Variants in SEL1L observed in about 807,000 individuals in gnomAD.
SEL1L encodes the protein protein sel-1 homolog 1.
Under a neutral mutation model 109.8 loss-of-function variants are expected in SEL1L, and 52 were observed. The ratio of observed to expected loss-of-function variants is 0.47; its 90% confidence interval spans 0.38 to 0.60. The LOEUF (loss-of-function observed/expected upper bound fraction) is 0.60. Ranked by LOEUF, SEL1L falls within the 20% of genes least tolerant of loss-of-function variation. SEL1L has a pLI of 0.00. For synonymous variants in SEL1L, 373 were observed against 339.6 expected (o/e 1.10, Z -1.08); for missense variants, 749 against 962.2 (o/e 0.78, Z 2.93).
At chr14:81,487,817 A>G (rs1185001209) in intron 15 of SEL1L, 38 bp downstream of exon 15, 1 of 1,608,932 alleles carries the variant, frequency 6.2e-7, no homozygotes, top group Admixed American at 1.7e-5. Flanking sequence ...CTTAATTTAG[A>G]TCTTGGTGTA....
chr14:81,514,767 A>G (rs1243565354), intron 3 of SEL1L, among the ~76,000 whole-genome samples: 3 of 152,156 alleles, frequency 2.0e-5, no homozygotes, highest in African/African-American at 7.2e-5. Flanking sequence ...CTTGAAATGC[A>G]TCCTAAGCCA....
At chr14:81,484,463 T>C in intron 18 of SEL1L, 66 bp from the exon 19 acceptor site, 3 of 1,428,424 alleles carry the variant, frequency 2.1e-6, no homozygotes, top group East Asian at 2.3e-5. Flanking sequence ...TCAAACTTTT[T>C]TCTCCTCCCA....
At chr14:81,516,578 G>A (rs775218708) in intron 3 of SEL1L, among the ~76,000 whole-genome samples, 6 of 152,092 alleles carry the variant, frequency 3.9e-5, no homozygotes, top group Admixed American at 6.5e-5. Flanking sequence ...AACAAATTCC[G>A]GACACGCCAC....
chr14:81,522,555 C>T lies in SEL1L; in HGVS notation c.340+4178G>A, dbSNP rs549087209. Among the ~76,000 whole-genome samples, 9 of 152,208 alleles carry T rather than the reference C, an allele frequency of 5.9e-5. No homozygotes were observed. In the South Asian group the frequency reaches 1.7e-3, roughly 28 times the overall value. Reference sequence around the variant, plus strand: ...GTAGCAATAGGCTATAACATATAGCCGAGGTATAGGCTACACTAGCTAGGT... The same window carrying T: ...GTAGCAATAGGCTATAACATATAGCTGAGGTATAGGCTACACTAGCTAGGT... On this transcript the variant is annotated intron_variant, in intron 3 of 20. Transcript: ENST00000336735.
At position 81,498,446 on chromosome 14, in the gene SEL1L, C is replaced by T. The variant is rs1222213766; in HGVS notation, c.940G>A (p.Ala314Thr). Residue 314 changes from alanine to threonine, a missense_variant, in exon 9 of 21, where the codon GCC becomes ACC. Physicochemically the swap from Ala to Thr is moderately conservative, Grantham distance 58 (BLOSUM62 0). This residue lies in a region of SEL1L where 366 missense variants were observed against 399.8 expected (regional missense o/e 0.92). Coordinates refer to ENST00000336735, the MANE Select transcript of SEL1L (RefSeq NM_005065.6). The stretch of plus-strand genomic sequence containing the variant: ...GCAACAAGACGATAGTGAGTCAGGG[C>T]AGATTCACAACTCTGGAGGACGCCG... ...GIGVLQSCES[A>T]LTHYRLVANH... 1.9e-6 allele frequency: 3 copies of T among 1,613,952 alleles called. No individual in the cohort carries two copies. The South Asian group carries it at 3.3e-5, about 18-fold the overall frequency.
At chr14:81,487,308 C>T in intron 16 of SEL1L, 82 bp downstream of exon 16, 5 of 1,371,458 alleles carry the variant, frequency 3.6e-6, no homozygotes, top group African/African-American at 1.5e-5. Flanking sequence ...AGAAAACATA[C>T]AAAAAAACCA....
At chr14:81,526,223 G>A (rs1365144545) in intron 3 of SEL1L, among the ~76,000 whole-genome samples, 3 of 152,118 alleles carry the variant, frequency 2.0e-5, no homozygotes, top group Non-Finnish European at 4.4e-5. Flanking sequence ...AAATTGAAAA[G>A]TAGAGGTTTC....
rs1448954932 is a variant in SEL1L at position 81,504,215 on chromosome 14, T to C, written c.600A>G (p.Lys200=). The change falls in exon 5 of 21, where the codon AAA becomes AAG. Residue 200 remains lysine (K), a synonymous_variant. Transcript: ENST00000336735. The part of the protein sequence containing the change: ...GMKILNGSNK[K]SQKREAYRYL... ...GTGCTACCTACTCTCTTTTTTGGCT[T>C]TTCTTATTGCTTCCATTAAGGATTT... 5 of 1,589,524 alleles carry C rather than the reference T, an allele frequency of 3.1e-6. No homozygotes were observed. The highest frequency in any genetic ancestry group is 3.4e-6 in the Non-Finnish European group (4 of 1,167,892).
At chr14:81,485,790 G>C (rs751501294) in intron 17 of SEL1L, 44 bp from the exon 18 acceptor site, 4 of 1,527,268 alleles carry the variant, frequency 2.6e-6, no homozygotes, top group Admixed American at 3.4e-5. Context: ...TTTAAGAAAA[G>C]GCACTAGACT....
At chr14:81,485,832 T>C in intron 17 of SEL1L, 86 bp from the exon 18 acceptor site, 1 of 1,053,550 alleles carries the variant, frequency 9.5e-7, no homozygotes, top group Non-Finnish European at 1.5e-6. Flanking sequence ...GAAGGATAGG[T>C]GAAGCATAAG....
chr14:81,526,992 C>A, intron 2 of SEL1L, 28 bp from the exon 3 acceptor site: 1 of 1,524,128 alleles, frequency 6.6e-7, no homozygotes, highest in South Asian at 1.1e-5. Context: ...TTTTAGTTAT[C>A]AACAATGCCA....
chr14:81,502,597 C>G (rs904186242), intron 6 of SEL1L, 124 bp downstream of exon 6: 1 of 939,856 alleles, frequency 1.1e-6, no homozygotes, highest in Non-Finnish European at 1.6e-6. Context: ...AAATGGTCAG[C>G]CACAAAATTG....
intron 3 of SEL1L, among the ~76,000 whole-genome samples, chr14:81,513,634 C>T (rs752899467): frequency 1.3e-5 from 2 of 152,162 alleles, no homozygotes; most frequent in Non-Finnish European, 2.9e-5. Context: ...GCTATTCTGT[C>T]CTACTTTTCC....
intron 19 of SEL1L, among the ~76,000 whole-genome samples, chr14:81,482,819 C>CA (rs1206531817): frequency 6.6e-6 from 1 of 152,124 alleles, no homozygotes; most frequent in East Asian, 1.9e-4. Flanking sequence ...ACCGCATTAG[C>CA]AAAAATGAAC....
At position 81,471,761 on chromosome 14, in the gene SEL1L, C is replaced by A. The variant is rs938476146; in HGVS notation, c.*5211G>T. The A allele has an allele frequency of 6.6e-6, 1 of 152,112 alleles. No homozygotes were observed. Among genetic ancestry groups the A allele is most frequent in the African/African-American group, 2.4e-5 (1 of 41,414 alleles). The allele number at this position is 152,112 out of a possible 1,614,324, so 9.4% of individuals were successfully genotyped here. On this transcript the variant is annotated 3_prime_UTR_variant, in exon 21 of 21. Coordinates refer to ENST00000336735, the MANE Select transcript of SEL1L (RefSeq NM_005065.6). ...AGTTCTACTCAAAATATAATACTAC[C>A]AATAAACTACTAGCATAGTGAATTT... is the stretch of plus-strand genomic sequence containing the variant.
chr14:81,490,306 T>C, intron 13 of SEL1L, 82 bp downstream of exon 13: 2 of 1,026,640 alleles, frequency 1.9e-6, no homozygotes, highest in African/African-American at 1.6e-5. Context: ...TTGGTTATGA[T>C]TAACCCTTTA....
chr14:81,532,507 T>C (rs1300842518), intron 1 of SEL1L, among the ~76,000 whole-genome samples: 1 of 152,198 alleles, frequency 6.6e-6, no homozygotes, highest in Non-Finnish European at 1.5e-5. Context: ...TCACTACTAC[T>C]GGAGGGAGGG....
rs1359057118 is a variant in SEL1L at position 81,487,502 on chromosome 14, A to G, written c.1520T>C (p.Leu507Ser). Residue 507 changes from leucine to serine, a missense_variant, in exon 16 of 21, where the codon TTG becomes TCG. Leu to Ser is a moderately radical substitution (Grantham distance 145). Transcript: ENST00000336735. ...CTGAGAAGCTAAATTAAAATACTTCAAGGCCTGTTTATAATCTCTCTTGAC... is the reference window on the plus strand; with the variant it reads ...CTGAGAAGCTAAATTAAAATACTTCGAGGCCTGTTTATAATCTCTCTTGAC... ...IGVKRDYKQA[L>S]KYFNLASQGG... 1 of 1,607,236 alleles carries G rather than the reference A, an allele frequency of 6.2e-7. No homozygotes were observed. Among genetic ancestry groups the G allele is most frequent in the Non-Finnish European group, 8.5e-7 (1 of 1,178,686 alleles).
Position 81,492,479 on chromosome 14 carries a change from C to T in SEL1L, c.1254+1G>A. On this transcript the variant is annotated splice_donor_variant, in intron 12 of 20. Coordinates refer to ENST00000336735, the MANE Select transcript of SEL1L (RefSeq NM_005065.6). LOFTEE classifies it high-confidence loss of function. ...TAAAACATTCACAGGATGTACAGTACCTTTCCCAAAAAGGCCATGGCATGT... is the reference window on the plus strand; with the variant it reads ...TAAAACATTCACAGGATGTACAGTATCTTTCCCAAAAAGGCCATGGCATGT... The T allele has an allele frequency of 1.2e-6, 2 of 1,608,964 alleles. No homozygotes were observed. Among genetic ancestry groups the T allele is most frequent in the Non-Finnish European group, 1.7e-6 (2 of 1,175,840 alleles).
Sources: allele counts gnomAD v4.1 joint callset (sites outside exome capture counted in the v4.1 genomes callset), GRCh38; gene constraint gnomAD v4.1.1; regional missense constraint gnomAD v4.1.1; transcripts MANE v1.5; gene names NCBI Gene and HGNC (gene_info 2026-07-23, HGNC 2026-07-21).